ENAM: variants seen among roughly 807,000 people sequenced by gnomAD.
The protein encoded by ENAM is enamelin, also known as amelogenesis imperfecta 2, hypocalcification (autosomal dominant).
ENAM carries 21 observed loss-of-function variants against 33.6 expected under a neutral mutation model. That is an observed-to-expected ratio of 0.63 (90% CI 0.44 to 0.90). The LOEUF is 0.90. Ranked by LOEUF, ENAM falls within the 40% of genes least tolerant of loss-of-function variation. The pLI, the probability that ENAM is intolerant of heterozygous loss-of-function variation, is 0.00. For synonymous variants in ENAM, 473 were observed against 468.4 expected, an observed-to-expected ratio of 1.01 and a Z score of -0.13; for missense variants, 1,388 against 1,366.9, an observed-to-expected ratio of 1.02 and a Z score of -0.24.
At position 70,645,157 on chromosome 4, in the gene ENAM, A is replaced by T; in HGVS notation, c.*302A>T. On this transcript the variant is annotated 3_prime_UTR_variant, in exon 9 of 9. Transcript: ENST00000396073. The stretch of plus-strand genomic sequence containing the variant: ...TGAGTTAGTTTCCTTTTGCTTGATG[A>T]CTTCTTTTGCTCTCAAAGTTCCATA... 1 of 539,720 alleles carries T rather than the reference A, an allele frequency of 1.9e-6. No individual in the cohort carries two copies. Among genetic ancestry groups the T allele is most frequent in the Non-Finnish European group, 3.3e-6 (1 of 303,168 alleles). The allele number at this position is 539,720 out of a possible 1,614,324, so 33.4% of individuals were successfully genotyped here.
At position 70,644,448 on chromosome 4, in the gene ENAM, A is replaced by G. The variant is rs370441174; in HGVS notation, c.3022A>G (p.Asn1008Asp). 25 of 1,613,476 alleles carry G rather than the reference A, an allele frequency of 1.5e-5. No individual in the cohort carries two copies. The African/African-American group carries it at 2.0e-4, about 13-fold the overall frequency. Residue 1008 changes from asparagine (N) to aspartate (D), a missense_variant, in exon 9 of 9, where the codon AAT (asparagine) becomes GAT (aspartate). Asn to Asp is a conservative substitution (Grantham distance 23, BLOSUM62 1). Coordinates refer to ENST00000396073, the MANE Select transcript of ENAM (RefSeq NM_031889.3). ...ACAAGTTTTTGAAGACAACCAGCTC[A>G]ATGAAAGAACTGTTGACCTTACTCC... ...LEQVFEDNQL[N>D]ERTVDLTPEQ... is the part of the protein sequence containing the mutation.
At chr4:70,641,285 T>C (rs1738590879) in intron 8 of ENAM, among the ~76,000 whole-genome samples, 2 of 152,198 alleles carry the variant, frequency 1.3e-5, no homozygotes, top group African/African-American at 2.4e-5. Context: ...GTTAGAATTA[T>C]GCCTTTGGGA....
rs567454026 is a variant in ENAM at position 70,641,393 on chromosome 4, A to T, written c.589-622A>T. ...TTATTTTTTTTTATTTTATTTATTT[A>T]TTTATTTTTTTTTTTGAGATGGAGT... is the stretch of plus-strand genomic sequence containing the variant. On this transcript the variant is annotated intron_variant, in intron 8 of 8. Transcript: ENST00000396073. 9.5e-3 allele frequency among the ~76,000 whole-genome samples: 1,350 copies of T among 141,810 alleles called. 18 individuals carry two copies. The highest frequency in any genetic ancestry group is 0.04 in the Middle Eastern group (11 of 278). 93.0% of individuals were successfully genotyped at this position (141,810 alleles called of 152,430 possible).
chr4:70,634,360 A>G lies in ENAM; in HGVS notation c.263A>G (p.Gln88Arg), dbSNP rs565258194. Residue 88 changes from glutamine (Q) to arginine (R), a missense_variant, in exon 6 of 9, where the codon CAG (glutamine) becomes CGG (arginine). Transcript: ENST00000396073. ...AACGGTCTCCCTCAGCAATTTCCAC[A>G]GTACCAGATGCCCATGTGGCCTCAG... Reference protein sequence around the residue: ...FGNGLPQQFPQYQMPMWPQPP... With the variant: ...FGNGLPQQFPRYQMPMWPQPP... 1.4e-4 allele frequency: 234 copies of G among 1,614,172 alleles called. 1 individual carries two copies. The highest frequency in any genetic ancestry group is 1.3e-3 in the South Asian group (117 of 91,090).
intron 5 of ENAM, among the ~76,000 whole-genome samples, chr4:70,633,427 G>A (rs1738373708): frequency 6.6e-6 from 1 of 152,004 alleles, no homozygotes; most frequent in Non-Finnish European, 1.5e-5. Flanking sequence ...TAGTTTTAGT[G>A]ACTTTACCTG....
chr4:70,637,837 AGGGGG>A lies in ENAM; in HGVS notation c.585_588+1del. 6.2e-7 allele frequency: 1 copy of A among 1,610,936 alleles called. No homozygotes were observed. On this transcript the variant is annotated frameshift_variant and splice_region_variant, in exon 8 of 9. Transcript: ENST00000396073. LOFTEE classifies it low-confidence loss of function (END_TRUNC). ...GACGCCCACCAATCAGCAATGAAGAAGGGGGGGTAAGTACAAGTAAAACTACATTC... is the reference window on the plus strand; with the variant it reads ...GACGCCCACCAATCAGCAATGAAGAAGGTAAGTACAAGTAAAACTACATTC...
At chr4:70,638,449 CTTTTTTTTT>C (rs766513652) in intron 8 of ENAM, among the ~76,000 whole-genome samples, 7 of 58,910 alleles carry the variant, frequency 1.2e-4, no homozygotes, top group African/African-American at 2.4e-4. Context: ...ACAGATTGTT[CTTTTTTTTT>C]TTTTTTTTTT....
intron 8 of ENAM, among the ~76,000 whole-genome samples, chr4:70,638,416 A>G (rs1310344278): frequency 6.8e-6 from 1 of 148,010 alleles, no homozygotes; most frequent in African/African-American, 2.5e-5. Context: ...TGGTAACTTA[A>G]TAGCTTGACT....
chr4:70,633,716 A>C (rs182767225), intron 5 of ENAM, among the ~76,000 whole-genome samples: 12 of 152,270 alleles, frequency 7.9e-5, no homozygotes, highest in African/African-American at 2.9e-4. Context: ...ACATTTTTAG[A>C]TTATAACTAC....
intron 8 of ENAM, 73 bp downstream of exon 8, chr4:70,637,916 A>T: frequency 9.0e-7 from 1 of 1,109,708 alleles, no homozygotes; most frequent in Non-Finnish European, 1.4e-6. Flanking sequence ...ATCCACATCT[A>T]ATAAGAAAGT....
At chr4:70,629,657 G>T (rs779281301) in intron 2 of ENAM, 103 bp downstream of exon 2, 2 of 874,430 alleles carry the variant, frequency 2.3e-6, no homozygotes, top group South Asian at 1.3e-5. Context: ...TGTATCAGAA[G>T]ACTCAAAGAG....
chr4:70,644,532 C>G lies in ENAM; in HGVS notation c.3106C>G (p.Gln1036Glu). Residue 1036 changes from glutamine to glutamate, a missense_variant, in exon 9 of 9, where the codon CAA becomes GAA. By Grantham distance (29) the Gln-to-Glu change is conservative. Coordinates refer to ENST00000396073, the MANE Select transcript of ENAM (RefSeq NM_031889.3). ...CTCCAATCCAGAAGGCATCCAAAGT[C>G]AAGTCCAAGAAAATGAGAGTGAGAG... ...EGSNPEGIQS[Q>E]VQENESERQQ... 1 of 1,614,004 alleles carries G rather than the reference C, an allele frequency of 6.2e-7. No homozygotes were observed. Among genetic ancestry groups the G allele is most frequent in the Non-Finnish European group, 8.5e-7 (1 of 1,179,942 alleles).
intron 7 of ENAM, among the ~76,000 whole-genome samples, chr4:70,636,652 C>A (rs1738458507): frequency 6.6e-6 from 1 of 151,908 alleles, no homozygotes; most frequent in African/African-American, 2.4e-5. Context: ...ACCTGTAATC[C>A]CAGATATTCA....
Position 70,634,486 on chromosome 4 carries a change from C to CA in ENAM, c.395dup (p.Pro133AlafsTer13), listed in dbSNP as rs1339687136. 1 of 1,614,070 alleles carries CA rather than the reference C, an allele frequency of 6.2e-7. No individual in the cohort carries two copies. The highest frequency in any genetic ancestry group is 1.1e-5 in the South Asian group (1 of 91,078). ...ACCCAGAAACCCAACCAGACTCAGTCAAAAAAGCCACCACAAAAGCGGCCT... is the reference window on the plus strand; with the variant it reads ...ACCCAGAAACCCAACCAGACTCAGTCAAAAAAAGCCACCACAAAAGCGGCCT... On this transcript the variant is annotated frameshift_variant, in exon 6 of 9. Transcript: ENST00000396073. LOFTEE classifies it high-confidence loss of function.
intron 4 of ENAM, among the ~76,000 whole-genome samples, chr4:70,632,244 A>C (rs1738342058): frequency 6.6e-6 from 1 of 152,180 alleles, no homozygotes; most frequent in African/African-American, 2.4e-5. Flanking sequence ...CACATGACTC[A>C]TATCCCAGAT....
chr4:70,646,594 T>A lies in ENAM; in HGVS notation c.*1739T>A, dbSNP rs1738768361. On this transcript the variant is annotated 3_prime_UTR_variant, in exon 9 of 9. Coordinates refer to ENST00000396073, the MANE Select transcript of ENAM (RefSeq NM_031889.3). ...AAAGGTGACTGTCTAGGATGCTGAA[T>A]GAGCCACCACTCCGTAGCTTTATAT... The A allele has an allele frequency of 6.6e-6, 1 of 152,182 alleles. No homozygotes were observed. The allele number at this position is 152,182 out of a possible 1,614,324, so 9.4% of individuals were successfully genotyped here.
intron 8 of ENAM, among the ~76,000 whole-genome samples, chr4:70,638,078 C>T (rs1738504065): frequency 6.6e-6 from 1 of 152,036 alleles, no homozygotes; most frequent in Admixed American, 6.6e-5. Context: ...GAATGTTATC[C>T]TCAAGAGGAA....
Position 70,643,054 on chromosome 4 carries a change from A to G in ENAM, c.1628A>G (p.Tyr543Cys), listed in dbSNP as rs1560404574. ...TNQSELKHSS[Y>C]QPAVYPEEIP... ...CAGTCAGAATTAAAGCACAGCTCAT[A>G]TCAGCCTGCTGTATACCCTGAGGAA... is the stretch of plus-strand genomic sequence containing the variant. The change falls in exon 9 of 9, where the codon TAT becomes TGT. Residue 543 changes from tyrosine (Y) to cysteine (C), a missense_variant. Physicochemically the swap from Tyr to Cys is radical, Grantham distance 194. Transcript: ENST00000396073. The G allele has an allele frequency of 2.5e-6, 4 of 1,613,920 alleles. No homozygotes were observed. Among genetic ancestry groups the G allele is most frequent in the Non-Finnish European group, 3.4e-6 (4 of 1,179,964 alleles).
intron 7 of ENAM, among the ~76,000 whole-genome samples, chr4:70,636,775 A>G (rs941462435): frequency 1.3e-5 from 2 of 152,214 alleles, no homozygotes; most frequent in East Asian, 1.9e-4. Flanking sequence ...TCTCAAAAAA[A>G]AAAAAAAGAG....
Sources: allele counts gnomAD v4.1 joint callset (sites outside exome capture counted in the v4.1 genomes callset), GRCh38; gene constraint gnomAD v4.1.1; transcripts MANE v1.5; gene names NCBI Gene and HGNC (gene_info 2026-07-23, HGNC 2026-07-21).